Variants in CHST7 observed in about 807,000 individuals in gnomAD.
CHST7 encodes the protein carbohydrate sulfotransferase 7.
Under a neutral mutation model 9.0 loss-of-function variants are expected in CHST7, and 5 were observed. The observed-to-expected ratio is 0.56, with a 90% CI of 0.29 to 1.17. The LOEUF is 1.17. Ranked by LOEUF, CHST7 falls within the 50% of genes most tolerant of loss-of-function variation. CHST7 has a pLI of 0.08. For synonymous variants in CHST7, 244 were observed against 237.1 expected (o/e 1.03, Z -0.27); for missense variants, 377 against 485.1 (o/e 0.78, Z 2.09).
At chrX:46,591,736 T>C (rs1942573963) in intron 1 of CHST7, among the ~76,000 whole-genome samples, 1 of 111,646 alleles carries the variant, frequency 9.0e-6, no homozygotes, top group African/African-American at 3.3e-5. Context: ...TTCTGGGATA[T>C]ATGTGCTGAA....
At chrX:46,593,221 T>C (rs5952910) in intron 1 of CHST7, among the ~76,000 whole-genome samples, 2,589 of 111,666 alleles carry the variant, frequency 0.023, 71 homozygotes, top group African/African-American at 0.08. Flanking sequence ...AGTCCTTCTG[T>C]ATCCTTACTG....
chrX:46,597,540 C>T (rs73630230), intron 1 of CHST7, among the ~76,000 whole-genome samples: 4,619 of 111,868 alleles, frequency 0.041, 253 homozygotes, highest in African/African-American at 0.14. Flanking sequence ...CAGAGGCGCC[C>T]CCGGAGTTTT....
intron 1 of CHST7, among the ~76,000 whole-genome samples, chrX:46,587,594 C>G (rs1942555470): frequency 8.9e-6 from 1 of 111,930 alleles, no homozygotes; most frequent in Admixed American, 9.5e-5. Context: ...GTTATATTAG[C>G]AAACTAAATG....
chrX:46,575,003 T>A lies in CHST7; in HGVS notation c.1072T>A (p.Phe358Ile), dbSNP rs1942490236. 1.8e-6 allele frequency: 2 copies of A among 1,137,797 alleles called. No individual in the cohort carries two copies. Among genetic ancestry groups the A allele is most frequent in the African/African-American group, 3.7e-5 (2 of 53,545 alleles). The allele number at this position is 1,137,797 out of a possible 1,213,427, so 93.8% of individuals were successfully genotyped here. The change falls in exon 1 of 2, where the codon TTC becomes ATC. Residue 358 changes from phenylalanine (F) to isoleucine (I), a missense_variant. This residue lies in a region of CHST7 where 130 missense variants were observed against 134.9 expected (regional missense o/e 0.96). Coordinates refer to ENST00000276055, the MANE Select transcript of CHST7 (RefSeq NM_019886.4). ...ICEAWLRDLLFARGAPAWLRR... is the reference protein window; with the variant it reads ...ICEAWLRDLLIARGAPAWLRR... ...CGAAGCCTGGCTGCGCGATCTGCTT[T>A]TCGCGCGCGGCGCGCCCGCCTGGCT...
At chrX:46,596,967 T>C (rs1942597512) in intron 1 of CHST7, among the ~76,000 whole-genome samples, 1 of 108,889 alleles carries the variant, frequency 9.2e-6, no homozygotes, top group South Asian at 3.9e-4. Context: ...AAAAAAATTA[T>C]AGAAAGGCCT....
chrX:46,574,301 C>T lies in CHST7; in HGVS notation c.370C>T (p.His124Tyr). Reference sequence around the variant, plus strand: ...CTTCCTGGGCGAACTCTTTAACCAGCACCCGGACGTTTTCTACTTGTATGA... The same window carrying T: ...CTTCCTGGGCGAACTCTTTAACCAGTACCCGGACGTTTTCTACTTGTATGA... ...SSFLGELFNQ[H>Y]PDVFYLYEPM... Residue 124 changes from histidine (H) to tyrosine (Y), a missense_variant, in exon 1 of 2, where the codon CAC becomes TAC. By Grantham distance (83) the His-to-Tyr change is moderately conservative (BLOSUM62 2). Coordinates refer to ENST00000276055, the MANE Select transcript of CHST7 (RefSeq NM_019886.4). 1 of 1,211,648 alleles carries T rather than the reference C, an allele frequency of 8.3e-7. No individual in the cohort carries two copies. The highest frequency in any genetic ancestry group is 1.1e-6 in the Non-Finnish European group (1 of 895,255).
chrX:46,584,814 CA>C (rs755564211), intron 1 of CHST7, among the ~76,000 whole-genome samples: 320 of 111,164 alleles, frequency 2.9e-3, no homozygotes, highest in Non-Finnish European at 4.2e-3. Context: ...GTGAGTTCTT[CA>C]GTAAAGATGA....
intron 1 of CHST7, among the ~76,000 whole-genome samples, chrX:46,583,824 ACTT>A (rs777115093): frequency 1.4e-4 from 16 of 111,214 alleles, no homozygotes; most frequent in Non-Finnish European, 2.8e-4. Context: ...CTTAGAACTT[ACTT>A]CTTCTATCTA....
Position 46,597,976 on chromosome X carries a change from G to GAT in CHST7, c.*251_*252dup, listed in dbSNP as rs1188435737. ...AGTAAGGAAGTGACAGTGCAATGTG[G>GAT]ATATTTATGGCTGTAAAATAGGAAG... is the stretch of plus-strand genomic sequence containing the variant. On this transcript the variant is annotated 3_prime_UTR_variant, in exon 2 of 2. Transcript: ENST00000276055. The GAT allele has an allele frequency of 4.4e-5, 5 of 112,726 alleles. No individual in the cohort carries two copies. The highest frequency in any genetic ancestry group is 9.4e-5 in the Admixed American group (1 of 10,637). 9.3% of individuals were successfully genotyped at this position (112,726 alleles called of 1,213,427 possible). A position where few individuals can be genotyped will look rare whatever the true frequency, so the allele number is the denominator to read the frequency against.
At chrX:46,596,644 A>C (rs765882887) in intron 1 of CHST7, among the ~76,000 whole-genome samples, 1 of 112,153 alleles carries the variant, frequency 8.9e-6, no homozygotes, top group Admixed American at 9.5e-5. Context: ...CTAGCAAAAT[A>C]CTAAAGATTT....
chrX:46,589,691 G>A (rs1220882471), intron 1 of CHST7, among the ~76,000 whole-genome samples: 1 of 111,695 alleles, frequency 9.0e-6, no homozygotes, highest in Non-Finnish European at 1.9e-5. Flanking sequence ...GAAATGGTAG[G>A]AAATTAGCTG....
At chrX:46,591,335 A>C (rs929345575) in intron 1 of CHST7, among the ~76,000 whole-genome samples, 2 of 112,286 alleles carry the variant, frequency 1.8e-5, no homozygotes, top group African/African-American at 6.5e-5. Flanking sequence ...ATTTTTCTAC[A>C]TCTTCACAGT....
chrX:46,586,775 G>A (rs1171759474), intron 1 of CHST7, among the ~76,000 whole-genome samples: 1 of 104,537 alleles, frequency 9.6e-6, no homozygotes, highest in African/African-American at 3.5e-5. Context: ...CACTCTTGTT[G>A]CCCAGGCTGG....
At position 46,595,394 on chromosome X, in the gene CHST7, C is replaced by T. The variant is rs147893576; in HGVS notation, c.*32-2366C>T. Among the ~76,000 whole-genome samples, 205 of 112,339 alleles carry T rather than the reference C, an allele frequency of 1.8e-3. 4 individuals carry two copies. The South Asian group carries it at 0.032, about 17-fold the overall frequency. On this transcript the variant is annotated intron_variant, in intron 1 of 1. Coordinates refer to ENST00000276055, the MANE Select transcript of CHST7 (RefSeq NM_019886.4). ...TTTTTTAGCAGGCCTCCACTGACAC[C>T]ACACTGGTGGAGAAAGGGGCACATC...
intron 1 of CHST7, among the ~76,000 whole-genome samples, chrX:46,575,688 C>A (rs780960196): frequency 2.3e-4 from 26 of 112,252 alleles, no homozygotes; most frequent in African/African-American, 8.1e-4. Context: ...TCTCTGCATT[C>A]CCATTCCCCT....
chrX:46,595,577 T>C (rs971338368), intron 1 of CHST7, among the ~76,000 whole-genome samples: 3 of 110,772 alleles, frequency 2.7e-5, no homozygotes, highest in Non-Finnish European at 5.7e-5. Flanking sequence ...GGTAACAGGC[T>C]TTTTTCAGGG....
At chrX:46,587,274 G>A (rs1248290018) in intron 1 of CHST7, among the ~76,000 whole-genome samples, 2 of 110,839 alleles carry the variant, frequency 1.8e-5, no homozygotes, top group Admixed American at 9.6e-5. Flanking sequence ...GGGAGGTGAC[G>A]GCGGGAGTGT....
At chrX:46,579,152 T>C (rs903001716) in intron 1 of CHST7, among the ~76,000 whole-genome samples, 2 of 111,569 alleles carry the variant, frequency 1.8e-5, no homozygotes. Flanking sequence ...AATAAAGGGC[T>C]GTTGATGAGC....
chrX:46,585,561 A>T (rs1204634471), intron 1 of CHST7, among the ~76,000 whole-genome samples: 1 of 111,498 alleles, frequency 9.0e-6, no homozygotes, highest in African/African-American at 3.3e-5. Context: ...AAGTGCTGGG[A>T]TTACAGGGGT....
Sources: gnomAD v4.1 joint callset for allele counts (sites outside exome capture counted in the v4.1 genomes callset) on GRCh38, gnomAD v4.1.1 for gene constraint, gnomAD v4.1.1 regional missense constraint, MANE v1.5 for transcripts, NCBI Gene and HGNC (gene_info 2026-07-23, HGNC 2026-07-21) for gene names.